The following NLRP14 variants were observed in gnomAD, a reference collection of about 807,000 sequenced individuals.
NLRP14 encodes NACHT, LRR and PYD domains-containing protein 14.
In NLRP14, 105 loss-of-function variants were observed where a neutral mutation model predicts 94.7. The ratio of observed to expected loss-of-function variants is 1.11; its 90% confidence interval spans 0.95 to 1.30. The LOEUF (loss-of-function observed/expected upper bound fraction) is 1.30, where lower values mean the gene tolerates loss of function less well. Among genes scored for constraint, NLRP14 ranks in the 50% most tolerant of loss-of-function variants. The pLI is 0.00. For synonymous variants in NLRP14, 508 were observed against 459.9 expected (o/e 1.10, Z -1.34); for missense variants, 1,362 against 1,254.1 (o/e 1.09, Z -1.30).
Position 7,038,761 on chromosome 11 carries a change from G to A in NLRP14, c.175G>A (p.Ala59Thr). The A allele has an allele frequency of 6.2e-7, 1 of 1,613,760 alleles. No homozygotes were observed. Among genetic ancestry groups the A allele is most frequent in the Non-Finnish European group, 8.5e-7 (1 of 1,179,916 alleles). Residue 59 changes from alanine (A) to threonine (T), a missense_variant, in exon 2 of 12, where the codon GCC (alanine) becomes ACC (threonine). Transcript: ENST00000299481. ...EVKKARREDL[A>T]NLMKKYYPGE... Reference sequence around the variant, plus strand: ...GAAGAAGGCCAGGCGGGAGGACCTGGCCAATTTGATGAAGAAATATTATCC... The same window carrying A: ...GAAGAAGGCCAGGCGGGAGGACCTGACCAATTTGATGAAGAAATATTATCC...
chr11:7,044,458 T>C (rs141374015), intron 4 of NLRP14, among the ~76,000 whole-genome samples: 18 of 152,320 alleles, frequency 1.2e-4, no homozygotes, highest in Middle Eastern at 6.8e-3. Flanking sequence ...CTGACCTAGC[T>C]CGCTTTCTCT....
At position 7,049,980 on chromosome 11, in the gene NLRP14, G is replaced by A. The variant is rs1007721675; in HGVS notation, c.2291+142G>A. 3 of 743,580 alleles carry A rather than the reference G, an allele frequency of 4.0e-6. No individual in the cohort carries two copies. The African/African-American group carries it at 5.2e-5, about 13-fold the overall frequency. The allele number at this position is 743,580 out of a possible 1,614,324, so 46.1% of individuals were successfully genotyped here. A position where few individuals can be genotyped will look rare whatever the true frequency, so the allele number is the denominator to read the frequency against. On this transcript the variant is annotated intron_variant, in intron 6 of 11. Transcript: ENST00000299481. ...TGATATGGGGTAGCAAGCATCTGTA[G>A]AATCAAGCTGATTTCATCCTGGTAG... is the stretch of plus-strand genomic sequence containing the variant.
At chr11:7,050,931 T>C (rs1852433709) in intron 6 of NLRP14, among the ~76,000 whole-genome samples, 1 of 152,230 alleles carries the variant, frequency 6.6e-6, no homozygotes, top group African/African-American at 2.4e-5. Flanking sequence ...AAATAAAATG[T>C]ATTAGTAGCA....
chr11:7,022,275 G>T (rs758970261), intron 1 of NLRP14, among the ~76,000 whole-genome samples: 19 of 152,152 alleles, frequency 1.2e-4, no homozygotes, highest in Admixed American at 1.2e-3. Flanking sequence ...CTTTGATGGG[G>T]GTCCTGGGAG....
intron 1 of NLRP14, among the ~76,000 whole-genome samples, chr11:7,031,606 G>A (rs756857673): frequency 9.2e-5 from 14 of 152,132 alleles, no homozygotes; most frequent in Admixed American, 6.5e-5. Context: ...GGATTAAAGC[G>A]GTATGAATAG....
rs757165480 is a variant in NLRP14, at chr11:7,038,859, G to A, written c.273G>A (p.Ala91=). 1.9e-5 allele frequency: 30 copies of A among 1,613,288 alleles called. No homozygotes were observed. Among genetic ancestry groups the A allele is most frequent in the Non-Finnish European group, 2.4e-5 (28 of 1,179,904 alleles). The part of the protein sequence containing the change: ...KMNLKDLCER[A]KEEINWSAQT... The stretch of plus-strand genomic sequence containing the variant: ...ACCTGAAGGATCTGTGTGAGAGAGC[G>A]AAAGAAGAGATCAACTGTGAGTGAT... Residue 91 remains alanine (A), a synonymous_variant, in exon 2 of 12, where the codon GCG becomes GCA. Transcript: ENST00000299481.
rs147746583 is a variant in NLRP14 at position 7,043,252 on chromosome 11, C to T, written c.1226C>T (p.Thr409Ile). The T allele has an allele frequency of 3.7e-5, 60 of 1,614,032 alleles. No homozygotes were observed. The highest frequency in any genetic ancestry group is 8.5e-6 in the Non-Finnish European group (10 of 1,180,014). ...ACCTGCTATATTTCTAGCTTGTTCACACCAGTAGATGGAGGCTCTCCTAGT... is the reference window on the plus strand; with the variant it reads ...ACCTGCTATATTTCTAGCTTGTTCATACCAGTAGATGGAGGCTCTCCTAGT... ...LFTCYISSLF[T>I]PVDGGSPSLP... is the part of the protein sequence containing the mutation. Residue 409 changes from threonine to isoleucine, a missense_variant, in exon 4 of 12, where the codon ACA becomes ATA. Physicochemically the swap from Thr to Ile is moderately conservative, Grantham distance 89. Coordinates refer to ENST00000299481, the MANE Select transcript of NLRP14 (RefSeq NM_176822.4).
chr11:7,085,607 T>A, the NLRP14 span, among the ~76,000 whole-genome samples: 1 of 152,208 alleles, frequency 6.6e-6, no homozygotes, highest in Non-Finnish European at 1.5e-5. Context: ...TAGAATAGTT[T>A]CTCAGTATTT....
downstream of NLRP14, among the ~76,000 whole-genome samples, chr11:7,071,925 T>G (rs1315279387): frequency 6.6e-6 from 1 of 152,208 alleles, no homozygotes; most frequent in Non-Finnish European, 1.5e-5. Context: ...ATGAATACTT[T>G]CTATAGCTTA....
chr11:7,049,906 C>T, intron 6 of NLRP14, 68 bp downstream of exon 6: 1 of 1,320,934 alleles, frequency 7.6e-7, no homozygotes, highest in Non-Finnish European at 1.1e-6. Context: ...CAAGTAGACT[C>T]TTACAGCCTG....
At chr11:7,069,189 T>C (rs1192650218) in intron 10 of NLRP14, among the ~76,000 whole-genome samples, 1 of 152,230 alleles carries the variant, frequency 6.6e-6, no homozygotes, top group Non-Finnish European at 1.5e-5. Flanking sequence ...ACACTTTGTT[T>C]TACGATGCTT....
chr11:7,049,404 A>G (rs1443421647), intron 5 of NLRP14, among the ~76,000 whole-genome samples: 2 of 152,170 alleles, frequency 1.3e-5, no homozygotes, highest in African/African-American at 4.8e-5. Context: ...AATTTTTGAT[A>G]GTCATTCCTG....
At chr11:7,036,714 G>A (rs1434766587) in intron 1 of NLRP14, among the ~76,000 whole-genome samples, 3 of 110,238 alleles carry the variant, frequency 2.7e-5, no homozygotes, top group Non-Finnish European at 7.1e-5. Flanking sequence ...GTGGAATTGT[G>A]GTGGCAAAAG....
intron 1 of NLRP14, among the ~76,000 whole-genome samples, chr11:7,035,950 C>T (rs1013568514): frequency 2.6e-5 from 4 of 152,152 alleles, no homozygotes; most frequent in Admixed American, 2.0e-4. Flanking sequence ...GTATGATAGG[C>T]CATTTGTCAA....
At chr11:7,024,711 T>C (rs1479721593) in intron 1 of NLRP14, among the ~76,000 whole-genome samples, 1 of 152,184 alleles carries the variant, frequency 6.6e-6, no homozygotes, top group Non-Finnish European at 1.5e-5. Flanking sequence ...TATAAATATC[T>C]CTAATAAGCT....
At chr11:7,026,907 C>T (rs184745392) in intron 1 of NLRP14, among the ~76,000 whole-genome samples, 17 of 151,732 alleles carry the variant, frequency 1.1e-4, no homozygotes, top group Admixed American at 2.6e-4. Flanking sequence ...CACATGTATA[C>T]GTATGTAACT....
chr11:7,068,561 A>G (rs1217739989), intron 10 of NLRP14, among the ~76,000 whole-genome samples: 2 of 152,214 alleles, frequency 1.3e-5, no homozygotes, highest in Non-Finnish European at 2.9e-5. Flanking sequence ...GTCTGAGAAC[A>G]TACTGTGCAT....
the NLRP14 span, among the ~76,000 whole-genome samples, chr11:7,088,383 C>T: frequency 6.6e-6 from 1 of 152,174 alleles, no homozygotes; most frequent in East Asian, 1.9e-4. Flanking sequence ...CAGCTCAAGG[C>T]ATGATATTAA....
intron 1 of NLRP14, among the ~76,000 whole-genome samples, chr11:7,034,848 A>G (rs1027599391): frequency 1.3e-5 from 2 of 152,204 alleles, no homozygotes; most frequent in Non-Finnish European, 2.9e-5. Flanking sequence ...TCTTGTCAAA[A>G]TGGTTTACAA....
Sources: allele counts gnomAD v4.1 joint callset (sites outside exome capture counted in the v4.1 genomes callset), GRCh38; gene constraint gnomAD v4.1.1; transcripts MANE v1.5; gene names NCBI Gene and HGNC (gene_info 2026-07-23, HGNC 2026-07-21).